The following DDX11 variants were observed in gnomAD, a reference collection of about 807,000 sequenced individuals.
DDX11 encodes the protein ATP-dependent DNA helicase DDX11.
A neutral mutation model predicts 125.2 loss-of-function variants in DDX11; 72 were observed. The observed-to-expected ratio is 0.58, with a 90% CI of 0.48 to 0.70. DDX11 has a LOEUF of 0.70. Ranked by LOEUF, DDX11 falls within the 30% of genes least tolerant of loss-of-function variation. The pLI is 0.00. For synonymous variants in DDX11, 347 were observed against 452.6 expected, an observed-to-expected ratio of 0.77 and a Z score of 2.96; for missense variants, 883 against 1,165.0, an observed-to-expected ratio of 0.76 and a Z score of 3.52.
rs367781788 is a variant in DDX11 at position 31,089,436 on chromosome 12, G to A, written c.826G>A (p.Gly276Ser). 2 of 1,613,896 alleles carry A rather than the reference G, an allele frequency of 1.2e-6. No individual in the cohort carries two copies. The highest frequency in any genetic ancestry group is 1.7e-6 in the Non-Finnish European group (2 of 1,179,874). Residue 276 changes from glycine to serine, a missense_variant, in exon 8 of 27, where the codon GGT becomes AGT. Gly to Ser is a moderately conservative substitution (Grantham distance 56). Coordinates refer to ENST00000542838, the MANE Select transcript of DDX11 (RefSeq NM_030653.4). ...TGTAAATGAAGACGTGAAAAGCCTA[G>A]GTTCTGTGCAGCTTATCAACGACCG... The part of the protein sequence containing the change: ...LCVNEDVKSL[G>S]SVQLINDRCV...
intron 18 of DDX11, among the ~76,000 whole-genome samples, chr12:31,099,084 C>CTTTTTTTTTTTTTTTTTTTTTTTT (rs763612105): frequency 3.3e-4 from 21 of 63,710 alleles, no homozygotes; most frequent in African/African-American, 4.7e-4. Flanking sequence ...TTCTTTCTTT[C>CTTTTTTTTTTTTTTTTTTTTTTTT]TTTTTTTTTT....
At chr12:31,093,967 C>T (rs572090953) in intron 12 of DDX11, among the ~76,000 whole-genome samples, 13 of 149,830 alleles carry the variant, frequency 8.7e-5, no homozygotes, top group Admixed American at 4.7e-4. Flanking sequence ...CTTGCATATG[C>T]GGTTTTGTGT....
At chr12:31,077,821 G>A (rs1940981951) in intron 1 of DDX11, 1 of 197,416 alleles carries the variant, frequency 5.1e-6, no homozygotes, top group South Asian at 8.5e-5. Context: ...TCCAGCCTGG[G>A]CGACAGAGTG....
In DDX11 at chr12:31,094,815, T is replaced by G. The variant is rs774248975; in HGVS notation, c.1475T>G (p.Leu492Arg). 29 of 1,612,540 alleles carry G rather than the reference T, an allele frequency of 1.8e-5. No individual in the cohort carries two copies. Among genetic ancestry groups the G allele is most frequent in the Non-Finnish European group, 2.3e-5 (27 of 1,178,642 alleles). The change falls in exon 14 of 27, where the codon CTG (leucine) becomes CGG (arginine). Residue 492 changes from leucine (L) to arginine (R), a missense_variant. Transcript: ENST00000542838. ...LFQSQIDNIN[L>R]FKVQRYCEKS... ...CAGAGCCAGATCGACAACATCAACCTGTTCAAGGTAGAGGTTTCCACCTTT... is the reference window on the plus strand; with the variant it reads ...CAGAGCCAGATCGACAACATCAACCGGTTCAAGGTAGAGGTTTCCACCTTT...
chr12:31,101,718 G>A lies in DDX11; in HGVS notation c.2053-115G>A, dbSNP rs193196417. ...GGGAGCCAAGTCCTCTTCCTTGGCTGTAGTCCTGCCGAGGGTCTCTCCTCA... is the reference window on the plus strand; with the variant it reads ...GGGAGCCAAGTCCTCTTCCTTGGCTATAGTCCTGCCGAGGGTCTCTCCTCA... On this transcript the variant is annotated intron_variant, in intron 20 of 26. Transcript: ENST00000542838. 4,332 of 1,452,208 alleles carry A rather than the reference G, an allele frequency of 3.0e-3. 37 individuals are homozygous for A. Among genetic ancestry groups the A allele is most frequent in the South Asian group, 0.018 (1,542 of 86,392 alleles). The allele number at this position is 1,452,208 out of a possible 1,614,324, so 90.0% of individuals were successfully genotyped here.
intron 9 of DDX11, chr12:31,091,098 T>C (rs529743357): frequency 7.2e-5 from 11 of 152,330 alleles, no homozygotes; most frequent in African/African-American, 2.4e-4. Flanking sequence ...TGACTCATAT[T>C]TTCTCACCAA....
At chr12:31,082,499 C>T (rs954261477) in intron 2 of DDX11, among the ~76,000 whole-genome samples, 4 of 152,110 alleles carry the variant, frequency 2.6e-5, no homozygotes, top group African/African-American at 4.8e-5. Context: ...TCCTGCGCCG[C>T]GCTGCTGCCC....
chr12:31,096,380 G>C lies in DDX11; in HGVS notation c.1521+1G>C, dbSNP rs539253677. 1 of 1,613,038 alleles carries C rather than the reference G, an allele frequency of 6.2e-7. No homozygotes were observed. The highest frequency in any genetic ancestry group is 8.5e-7 in the Non-Finnish European group (1 of 1,179,798). On this transcript the variant is annotated splice_donor_variant, in intron 15 of 26. Coordinates refer to ENST00000542838, the MANE Select transcript of DDX11 (RefSeq NM_030653.4). LOFTEE classifies it high-confidence loss of function. ...TGAGAAGAGCATGATCAGCAGAAAG[G>C]TAACTGCTCCCATCTTGTGGTCCTG...
rs1942892984 is a variant in DDX11 at position 31,085,231 on chromosome 12, A to G, written c.638+105A>G. On this transcript the variant is annotated intron_variant, in intron 5 of 26. Coordinates refer to ENST00000542838, the MANE Select transcript of DDX11 (RefSeq NM_030653.4). Reference sequence around the variant, plus strand: ...TGCCATGAAGCACCTGGCAAGAGGCATGGTGGCCTCTGCCCTCTGCTCTAA... The same window carrying G: ...TGCCATGAAGCACCTGGCAAGAGGCGTGGTGGCCTCTGCCCTCTGCTCTAA... 7.1e-6 allele frequency: 10 copies of G among 1,406,756 alleles called. No homozygotes were observed. In the Admixed American group the frequency reaches 1.2e-4, roughly 17 times the overall value. The allele number at this position is 1,406,756 out of a possible 1,614,324, so 87.1% of individuals were successfully genotyped here. A position where few individuals can be genotyped will look rare whatever the true frequency, so the allele number is the denominator to read the frequency against.
intron 21 of DDX11, 66 bp downstream of exon 21, chr12:31,102,048 T>G (rs1257296917): frequency 2.5e-6 from 4 of 1,586,770 alleles, no homozygotes; most frequent in Non-Finnish European, 3.4e-6. Context: ...CTGGGAGCTC[T>G]CGTGCTCATC....
At chr12:31,095,619 T>C (rs984146999) in intron 14 of DDX11, among the ~76,000 whole-genome samples, 3 of 152,166 alleles carry the variant, frequency 2.0e-5, no homozygotes, top group Non-Finnish European at 4.4e-5. Flanking sequence ...TGGATCCAGG[T>C]CATCCTTGAT....
chr12:31,074,496 G>C lies in DDX11; in HGVS notation c.-5+405G>C, dbSNP rs983482948. Among the ~76,000 whole-genome samples the C allele has an allele frequency of 2.6e-4, 39 of 152,210 alleles. 1 individual carries two copies. Among genetic ancestry groups the C allele is most frequent in the Non-Finnish European group, 2.6e-4 (18 of 68,034 alleles). The stretch of plus-strand genomic sequence containing the variant: ...CCAGGGCGGGAATCGAGGCGGAGCA[G>C]GGTACAGTACGGAGGCCAGGAATGA... On this transcript the variant is annotated intron_variant, in intron 1 of 26. Transcript: ENST00000542838.
chr12:31,084,435 G>A lies in DDX11; in HGVS notation c.394-148G>A, dbSNP rs1166736551. ...CTGGGACCGGCAGGGATGAGGTCCC[G>A]GGAGGGGATGCGGCAGCCCTTGAGT... On this transcript the variant is annotated intron_variant, in intron 3 of 26. Transcript: ENST00000542838. 3.4e-5 allele frequency: 27 copies of A among 792,098 alleles called. No individual in the cohort carries two copies. The East Asian group carries it at 6.1e-4, about 18-fold the overall frequency. The allele number at this position is 792,098 out of a possible 1,614,324, so 49.1% of individuals were successfully genotyped here.
At chr12:31,084,328 T>C (rs1309793348) in intron 3 of DDX11, among the ~76,000 whole-genome samples, 1 of 152,204 alleles carries the variant, frequency 6.6e-6, no homozygotes, top group Admixed American at 6.5e-5. Flanking sequence ...ATTGGCAGCA[T>C]GGTTCAATGG....
chr12:31,101,725 T>C, intron 20 of DDX11, 108 bp from the exon 21 acceptor site: 6 of 1,511,842 alleles, frequency 4.0e-6, no homozygotes, highest in Non-Finnish European at 5.5e-6. Context: ...GCTGTAGTCC[T>C]GCCGAGGGTC....
In DDX11 at chr12:31,091,764, C is replaced by T; in HGVS notation, c.1135C>T (p.Gln379Ter). Reference protein sequence around the residue: ...YQMLLHAATRQAAGIRLQDQV... With the variant: ...YQMLLHAATR Reference sequence around the variant, plus strand: ...GATGCTGCTGCATGCGGCCACTCGGCAGGCCGCGGGCATCCGGCTGCAGGA... The same window carrying T: ...GATGCTGCTGCATGCGGCCACTCGGTAGGCCGCGGGCATCCGGCTGCAGGA... Residue 379 changes from glutamine to a stop codon, truncating the protein, a stop_gained, in exon 10 of 27, where the codon CAG becomes TAG. Coordinates refer to ENST00000542838, the MANE Select transcript of DDX11 (RefSeq NM_030653.4). LOFTEE classifies it high-confidence loss of function. 6.2e-7 allele frequency: 1 copy of T among 1,613,742 alleles called. No homozygotes were observed. The highest frequency in any genetic ancestry group is 8.5e-7 in the Non-Finnish European group (1 of 1,179,840).
chr12:31,095,063 C>G (rs1386585019), intron 14 of DDX11, among the ~76,000 whole-genome samples: 1 of 152,152 alleles, frequency 6.6e-6, no homozygotes, highest in Admixed American at 6.5e-5. Context: ...ATAGAGACTC[C>G]AGGTCCTTGC....
chr12:31,096,573 C>T lies in DDX11; in HGVS notation c.1522-64C>T, dbSNP rs1174435365. 18 of 1,594,090 alleles carry T rather than the reference C, an allele frequency of 1.1e-5. No homozygotes were observed. In the Admixed American group the frequency reaches 1.9e-4, roughly 17 times the overall value. ...CTTGGGCCTGGCAGAGCCTCCGATC[C>T]ACCCAGCCTCTCTCTCATGGCTGTA... On this transcript the variant is annotated intron_variant, in intron 15 of 26. Coordinates refer to ENST00000542838, the MANE Select transcript of DDX11 (RefSeq NM_030653.4).
rs1362801376 is a variant in DDX11, at chr12:31,103,688, A to G, written c.2648A>G (p.Glu883Gly). 1 of 1,613,898 alleles carries G rather than the reference A, an allele frequency of 6.2e-7. No individual in the cohort carries two copies. Among genetic ancestry groups the G allele is most frequent in the Admixed American group, 1.7e-5 (1 of 60,022 alleles). Residue 883 changes from glutamate to glycine, a missense_variant, in exon 26 of 27, where the codon GAG becomes GGG. Glu to Gly is a moderately conservative substitution (Grantham distance 98, BLOSUM62 -2). Coordinates refer to ENST00000542838, the MANE Select transcript of DDX11 (RefSeq NM_030653.4). ...CCGGCCTGGATCCGAGCCCGTGTGG[A>G]GGTCAAAGCTACCTTTGGCCCCGCC... is the stretch of plus-strand genomic sequence containing the variant. ...KLPAWIRARV[E>G]VKATFGPAIA...
Sources: allele counts gnomAD v4.1 joint callset (sites outside exome capture counted in the v4.1 genomes callset), GRCh38; gene constraint gnomAD v4.1.1; transcripts MANE v1.5; gene names NCBI Gene and HGNC (gene_info 2026-07-23, HGNC 2026-07-21).